CNTN5: variants seen among roughly 807,000 people sequenced by gnomAD.
CNTN5 encodes contactin 5.
CNTN5 carries 77 observed loss-of-function variants against 129.1 expected under a neutral mutation model. That is an observed-to-expected ratio of 0.60 (90% CI 0.50 to 0.72). CNTN5 has a LOEUF of 0.72. CNTN5 is among the 30% of genes least tolerant of loss of function. The pLI is 0.00. For missense variants in CNTN5, 1,478 were observed against 1,328.8 expected (o/e 1.11, Z -1.75); for synonymous variants, 509 against 465.6 (o/e 1.09, Z -1.20).
intron 1 of CNTN5, among the ~76,000 whole-genome samples, chr11:99,082,010 A>G (rs2135285126): frequency 7.0e-6 from 1 of 143,492 alleles, no homozygotes. Context: ...TAAAAGAGAA[A>G]CAAATGTTTG....
intron 3 of CNTN5, among the ~76,000 whole-genome samples, chr11:99,644,507 A>G (rs920355574): frequency 6.6e-6 from 1 of 152,188 alleles, no homozygotes; most frequent in Admixed American, 6.5e-5. Context: ...AATGGGCAAA[A>G]CGATGTTCTC....
chr11:100,308,783 G>T, intron 21 of CNTN5: 1 of 1,001,698 alleles, frequency 1.0e-6, no homozygotes, highest in Non-Finnish European at 1.2e-6. Flanking sequence ...AAAAGTTTTT[G>T]TGTCTTCCTT....
At chr11:100,095,580 T>TA (rs1353895624) in intron 13 of CNTN5, among the ~76,000 whole-genome samples, 2 of 152,054 alleles carry the variant, frequency 1.3e-5, no homozygotes, top group African/African-American at 4.8e-5. Context: ...TGTCTCTCTG[T>TA]AAAAAATTGA....
intron 2 of CNTN5, among the ~76,000 whole-genome samples, chr11:99,427,765 CAAAAAAA>C (rs36085825): frequency 3.1e-5 from 1 of 32,364 alleles, no homozygotes; most frequent in Non-Finnish European, 6.9e-5. Flanking sequence ...GACTCAGTCT[CAAAAAAA>C]AAAAAAAAAA....
chr11:99,187,959 A>G (rs1287462202), intron 1 of CNTN5, among the ~76,000 whole-genome samples: 4 of 151,958 alleles, frequency 2.6e-5, no homozygotes, highest in African/African-American at 9.6e-5. Flanking sequence ...GGTTACTATT[A>G]TAAATATAAA....
At chr11:100,200,252 A>G (rs990983190) in intron 15 of CNTN5, among the ~76,000 whole-genome samples, 1 of 151,894 alleles carries the variant, frequency 6.6e-6, no homozygotes. Flanking sequence ...GATTTTTCAC[A>G]CATAGCAAAA....
chr11:99,538,359 G>A (rs10893482), intron 2 of CNTN5, among the ~76,000 whole-genome samples: 7 of 151,764 alleles, frequency 4.6e-5, no homozygotes, highest in African/African-American at 7.3e-5. Context: ...ATAATAGGAC[G>A]AATAAAAAGA....
At chr11:99,536,299 T>A (rs1476480259) in intron 2 of CNTN5, among the ~76,000 whole-genome samples, 3 of 152,150 alleles carry the variant, frequency 2.0e-5, no homozygotes, top group Non-Finnish European at 4.4e-5. Context: ...TTATAGTTAA[T>A]TTTAAATACT....
intron 3 of CNTN5, among the ~76,000 whole-genome samples, chr11:99,560,527 G>A (rs1180368013): frequency 1.3e-5 from 2 of 152,016 alleles, no homozygotes; most frequent in African/African-American, 4.8e-5. Flanking sequence ...CCAACCTCAG[G>A]TGATCCGCCT....
At chr11:99,073,647 G>A (rs192095621) in intron 1 of CNTN5, among the ~76,000 whole-genome samples, 1 of 152,076 alleles carries the variant, frequency 6.6e-6, no homozygotes, top group East Asian at 1.9e-4. Context: ...AAAACACGCG[G>A]TGTTTGGTTT....
intron 6 of CNTN5, among the ~76,000 whole-genome samples, chr11:99,898,853 T>A (rs1010724000): frequency 7.2e-5 from 11 of 152,080 alleles, no homozygotes; most frequent in African/African-American, 2.7e-4. Context: ...TTATATCCTG[T>A]ATTTTTCTCA....
chr11:99,580,632 T>C (rs1292870240), intron 3 of CNTN5, among the ~76,000 whole-genome samples: 1 of 152,212 alleles, frequency 6.6e-6, no homozygotes, highest in Non-Finnish European at 1.5e-5. Context: ...GTGTTTATAG[T>C]ATTCTCTGAT....
chr11:100,120,804 C>CTAT (rs1275437237), intron 13 of CNTN5, among the ~76,000 whole-genome samples: 13 of 151,162 alleles, frequency 8.6e-5, no homozygotes, highest in Admixed American at 6.6e-4. Flanking sequence ...TCCCCTATTA[C>CTAT]TATTTTAAAA....
At chr11:100,229,076 T>C (rs1381355359) in intron 16 of CNTN5, among the ~76,000 whole-genome samples, 1 of 152,136 alleles carries the variant, frequency 6.6e-6, no homozygotes, top group African/African-American at 2.4e-5. Context: ...ACTAATTATA[T>C]ATTCATCTAC....
chr11:99,048,096 G>T (rs1242128220), intron 1 of CNTN5, among the ~76,000 whole-genome samples: 3 of 151,770 alleles, frequency 2.0e-5, no homozygotes, highest in African/African-American at 7.3e-5. Context: ...AAAAATCATG[G>T]CATCCTATTT....
chr11:100,162,992 T>C (rs1484492419), intron 13 of CNTN5, among the ~76,000 whole-genome samples: 1 of 151,848 alleles, frequency 6.6e-6, no homozygotes, highest in Non-Finnish European at 1.5e-5. Flanking sequence ...TAAATATGAC[T>C]CTAGTTCATT....
intron 2 of CNTN5, among the ~76,000 whole-genome samples, chr11:99,400,950 G>A (rs1043232073): frequency 2.6e-5 from 4 of 152,090 alleles, no homozygotes; most frequent in African/African-American, 4.8e-5. Context: ...CTATAGAGTT[G>A]TTTGAGCTCC....
chr11:99,398,933 C>T (rs1941663573), intron 2 of CNTN5, among the ~76,000 whole-genome samples: 1 of 151,870 alleles, frequency 6.6e-6, no homozygotes, highest in Admixed American at 6.6e-5. Context: ...CTGCCACCTT[C>T]ACCCCACTTA....
chr11:99,965,624 A>T (rs1951073539), intron 8 of CNTN5, among the ~76,000 whole-genome samples: 1 of 152,136 alleles, frequency 6.6e-6, no homozygotes, highest in Admixed American at 6.5e-5. Context: ...TGCTGAGAAG[A>T]ATGTATATTT....
Sources: gnomAD v4.1 joint callset for allele counts (sites outside exome capture counted in the v4.1 genomes callset) on GRCh38, gnomAD v4.1.1 for gene constraint, MANE v1.5 for transcripts, NCBI Gene and HGNC (gene_info 2026-07-23, HGNC 2026-07-21) for gene names.